The following ZBTB20 variants were observed in gnomAD, a reference collection of about 807,000 sequenced individuals.
The protein encoded by ZBTB20 is zinc finger and BTB domain containing 20, also known as zinc finger and BTB domain-containing protein 20.
Under a neutral mutation model 56.9 loss-of-function variants are expected in ZBTB20, and 9 were observed. The observed-to-expected ratio is 0.16, with a 90% CI of 0.10 to 0.28. The LOEUF (loss-of-function observed/expected upper bound fraction) is 0.28. Ranked by LOEUF, ZBTB20 falls within the 10% of genes least tolerant of loss-of-function variation. The probability of loss-of-function intolerance (pLI) is 1.00; values close to 1 mark genes in which losing one functional copy is unlikely to be tolerated. For missense variants in ZBTB20, 655 were observed against 1,003.0 expected, an observed-to-expected ratio of 0.65 and a Z score of 4.69; for synonymous variants, 417 against 420.7, an observed-to-expected ratio of 0.99 and a Z score of 0.11.
intron 5 of ZBTB20, among the ~76,000 whole-genome samples, chr3:114,778,274 ATAATAATAC>A (rs1424563193): frequency 1.2e-5 from 1 of 81,034 alleles, no homozygotes; most frequent in African/African-American, 5.6e-5. Flanking sequence ...AATAATAATA[ATAATAATAC>A]ACATTCAAAA....
At chr3:114,476,309 C>T (rs2040759135) in intron 7 of ZBTB20, among the ~76,000 whole-genome samples, 1 of 152,104 alleles carries the variant, frequency 6.6e-6, no homozygotes, top group Non-Finnish European at 1.5e-5. Context: ...ACTGTTGAAG[C>T]AGAGTGAGGA....
chr3:114,639,983 T>C (rs568215570), intron 6 of ZBTB20, among the ~76,000 whole-genome samples: 1 of 152,244 alleles, frequency 6.6e-6, no homozygotes, highest in South Asian at 2.1e-4. Context: ...TTAGCTTTGA[T>C]ATACAAAAAT....
intron 1 of ZBTB20, among the ~76,000 whole-genome samples, chr3:115,110,224 A>AG (rs2083836942): frequency 6.6e-6 from 1 of 152,056 alleles, no homozygotes; most frequent in Admixed American, 6.6e-5. Context: ...AAAAAAAAAA[A>AG]GAGTTGGAAA....
At chr3:114,421,804 C>T (rs1161479939) in intron 7 of ZBTB20, among the ~76,000 whole-genome samples, 1 of 63,562 alleles carries the variant, frequency 1.6e-5, no homozygotes, top group Non-Finnish European at 4.0e-5. Context: ...TTTAAGACTA[C>T]AGATTTTTTT....
chr3:114,388,729 T>G (rs1278428661), intron 8 of ZBTB20: 1 of 152,250 alleles, frequency 6.6e-6, no homozygotes, highest in East Asian at 1.9e-4. Context: ...GAGGCACAGA[T>G]GACCAAGCAG....
intron 1 of ZBTB20, among the ~76,000 whole-genome samples, chr3:115,131,361 A>G (rs1490218667): frequency 3.9e-5 from 6 of 152,196 alleles, no homozygotes; most frequent in Admixed American, 3.3e-4. Flanking sequence ...AAGGCTGAAT[A>G]TTATACACAC....
chr3:114,573,375 G>A (rs1269844636), intron 6 of ZBTB20, among the ~76,000 whole-genome samples: 1 of 151,520 alleles, frequency 6.6e-6, no homozygotes, highest in Non-Finnish European at 1.5e-5. Flanking sequence ...CACAAGAATT[G>A]CTTGAGCCTG....
At chr3:115,025,356 C>A (rs971734382) in intron 2 of ZBTB20, among the ~76,000 whole-genome samples, 1 of 151,218 alleles carries the variant, frequency 6.6e-6, no homozygotes, top group Non-Finnish European at 1.5e-5. Flanking sequence ...CATTGATGGG[C>A]ATTTAGGTTG....
At chr3:114,596,084 G>T (rs1455554588) in intron 6 of ZBTB20, among the ~76,000 whole-genome samples, 1 of 152,034 alleles carries the variant, frequency 6.6e-6, no homozygotes, top group African/African-American at 2.4e-5. Flanking sequence ...TTTTTTCTTT[G>T]TGTAGCCAAA....
At chr3:114,431,490 C>G (rs1436948931) in intron 7 of ZBTB20, among the ~76,000 whole-genome samples, 1 of 152,134 alleles carries the variant, frequency 6.6e-6, no homozygotes, top group Non-Finnish European at 1.5e-5. Context: ...TGTACTACGA[C>G]AGCTAATGAT....
chr3:114,932,237 C>G (rs540166602), intron 3 of ZBTB20, among the ~76,000 whole-genome samples: 4 of 152,294 alleles, frequency 2.6e-5, no homozygotes, highest in African/African-American at 9.6e-5. Context: ...GTACAGCAAG[C>G]TGAAGGAGTG....
chr3:114,388,109 C>T (rs916765716), intron 8 of ZBTB20: 2 of 152,186 alleles, frequency 1.3e-5, no homozygotes, highest in Non-Finnish European at 2.9e-5. Context: ...TAGCGTTTTC[C>T]AGTAACATAG....
intron 5 of ZBTB20, among the ~76,000 whole-genome samples, chr3:114,757,908 C>G (rs1300660489): frequency 6.6e-6 from 1 of 151,818 alleles, no homozygotes; most frequent in Non-Finnish European, 1.5e-5. Flanking sequence ...TATTATTATT[C>G]CTATTACTAG....
At chr3:114,657,699 T>C (rs1457602407) in intron 6 of ZBTB20, among the ~76,000 whole-genome samples, 2 of 152,196 alleles carry the variant, frequency 1.3e-5, no homozygotes, top group Admixed American at 1.3e-4. Flanking sequence ...GGAAGTTCCT[T>C]GAGGGAAGAA....
At chr3:114,839,463 G>GA (rs1307008614) in intron 4 of ZBTB20, among the ~76,000 whole-genome samples, 3 of 149,138 alleles carry the variant, frequency 2.0e-5, no homozygotes, top group Non-Finnish European at 4.5e-5. Flanking sequence ...AAGAAAGAAA[G>GA]AAAGAGAGAG....
At chr3:114,734,424 C>T (rs2065984664) in intron 5 of ZBTB20, among the ~76,000 whole-genome samples, 1 of 151,972 alleles carries the variant, frequency 6.6e-6, no homozygotes, top group African/African-American at 2.4e-5. Flanking sequence ...ACTTATCAGT[C>T]TCATGATTTT....
At chr3:114,773,537 A>G (rs2069366672) in intron 5 of ZBTB20, among the ~76,000 whole-genome samples, 1 of 152,232 alleles carries the variant, frequency 6.6e-6, no homozygotes. Context: ...AAAAGAACAC[A>G]GGGAGTGTAT....
intron 5 of ZBTB20, among the ~76,000 whole-genome samples, chr3:114,704,371 T>C (rs190372147): frequency 1.3e-5 from 2 of 150,546 alleles, no homozygotes; most frequent in East Asian, 3.9e-4. Flanking sequence ...CAGACATATA[T>C]TTATATATAT....
chr3:114,564,363 G>A (rs1399390777), intron 6 of ZBTB20, among the ~76,000 whole-genome samples: 2 of 151,854 alleles, frequency 1.3e-5, no homozygotes, highest in African/African-American at 2.4e-5. Flanking sequence ...GTGGGGAGGG[G>A]GGCATTAATC....
Sources: gnomAD v4.1 joint callset for allele counts (sites outside exome capture counted in the v4.1 genomes callset) on GRCh38, gnomAD v4.1.1 for gene constraint, MANE v1.5 for transcripts, NCBI Gene and HGNC (gene_info 2026-07-23, HGNC 2026-07-21) for gene names.